MRO: variants seen among roughly 807,000 people sequenced by gnomAD.
The protein encoded by MRO is maestro, also known as protein maestro.
Under a neutral mutation model 31.0 loss-of-function variants are expected in MRO, and 28 were observed. The observed-to-expected ratio is 0.90, with a 90% CI of 0.67 to 1.24. The LOEUF (loss-of-function observed/expected upper bound fraction) is 1.24, where lower values mean the gene tolerates loss of function less well. Among genes scored for constraint, MRO ranks in the 50% most tolerant of loss-of-function variants. MRO has a pLI of 0.00. For missense variants in MRO, 332 were observed against 289.2 expected (o/e 1.15, Z -1.07); for synonymous variants, 108 against 108.4 (o/e 1.00, Z 0.02).
At chr18:50,808,271 C>G (rs901279218) in intron 3 of MRO, among the ~76,000 whole-genome samples, 1 of 151,906 alleles carries the variant, frequency 6.6e-6, no homozygotes, top group African/African-American at 2.4e-5. Flanking sequence ...ATCAAGATGA[C>G]GAAATATCCA....
At position 50,799,249 on chromosome 18, in the gene MRO, T is replaced by C. The variant is rs982599382; in HGVS notation, c.*88A>G. 7.7e-6 allele frequency: 9 copies of C among 1,169,826 alleles called. No individual in the cohort carries two copies. The African/African-American group carries it at 1.1e-4, about 14-fold the overall frequency. 72.5% of individuals were successfully genotyped at this position (1,169,826 alleles called of 1,614,324 possible). A position where few individuals can be genotyped will look rare whatever the true frequency, so the allele number is the denominator to read the frequency against. On this transcript the variant is annotated 3_prime_UTR_variant, in exon 8 of 8. Coordinates refer to ENST00000398439, the MANE Select transcript of MRO (RefSeq NM_031939.6). ...CATTACAATCCCAAGAGGCAAGCAG[T>C]GAGAAGAGGCATCCAGTGAGATAAA...
intron 7 of MRO, among the ~76,000 whole-genome samples, 172 bp from the exon 8 acceptor site, chr18:50,799,562 G>A (rs1263446355): frequency 1.3e-5 from 2 of 152,172 alleles, no homozygotes; most frequent in Non-Finnish European, 2.9e-5. Context: ...TCTCGTGCTT[G>A]ATCCTCTAGG....
chr18:50,802,898 TTGTGTATG>T, intron 5 of MRO, among the ~76,000 whole-genome samples: 1 of 134,810 alleles, frequency 7.4e-6, no homozygotes, highest in East Asian at 2.1e-4. Flanking sequence ...TAGTGAGTGT[TTGTGTATG>T]TGTGTGTGTA....
At chr18:50,816,746 A>G (rs891859864) in intron 2 of MRO, among the ~76,000 whole-genome samples, 6 of 152,188 alleles carry the variant, frequency 3.9e-5, no homozygotes, top group Non-Finnish European at 2.9e-5. Context: ...AATAGCATTA[A>G]GATTACCTTC....
chr18:50,815,617 G>A (rs1010279714), intron 2 of MRO: 7 of 307,588 alleles, frequency 2.3e-5, no homozygotes, highest in East Asian at 1.7e-4. Flanking sequence ...TGGAAACAGC[G>A]ATCAAATTAT....
At chr18:50,821,297 G>A (rs1915293646), upstream of MRO, among the ~76,000 whole-genome samples, 1 of 152,164 alleles carries the variant, frequency 6.6e-6, no homozygotes, top group Non-Finnish European at 1.5e-5. Flanking sequence ...TCTGGAGGAG[G>A]AAGAAAGATG....
At chr18:50,808,403 A>G (rs1914136891) in intron 3 of MRO, among the ~76,000 whole-genome samples, 1 of 151,944 alleles carries the variant, frequency 6.6e-6, no homozygotes, top group African/African-American at 2.4e-5. Context: ...GTGATTTCAA[A>G]GCTTCATTAG....
chr18:50,811,194 A>G (rs1317621888), intron 2 of MRO, among the ~76,000 whole-genome samples: 1 of 152,198 alleles, frequency 6.6e-6, no homozygotes, highest in Non-Finnish European at 1.5e-5. Context: ...TTTCAATTGT[A>G]CTTTGTAGAT....
Position 50,819,887 on chromosome 18 carries a change from G to A in MRO, c.-127+10C>T. 1 of 1,551,050 alleles carries A rather than the reference G, an allele frequency of 6.4e-7. No individual in the cohort carries two copies. Among genetic ancestry groups the A allele is most frequent in the Admixed American group, 2.0e-5 (1 of 50,996 alleles). On this transcript the variant is annotated intron_variant, in intron 1 of 7. Coordinates refer to ENST00000398439, the MANE Select transcript of MRO (RefSeq NM_031939.6). ...GAATATTGTAGGGTGGCACAAGCAT[G>A]ACTTGCTACCTTTGCTTCCCCACGC...
At position 50,799,325 on chromosome 18, in the gene MRO, G is replaced by A. The variant is rs371970330; in HGVS notation, c.*12C>T. On this transcript the variant is annotated 3_prime_UTR_variant, in exon 8 of 8. Transcript: ENST00000398439. ...TGCACTCATACAGAACCATTTCCCT[G>A]CTGCTCTGCGCTTACAGAATTTTAT... The A allele has an allele frequency of 6.2e-7, 1 of 1,611,122 alleles. No homozygotes were observed. Among genetic ancestry groups the A allele is most frequent in the African/African-American group, 1.3e-5 (1 of 74,846 alleles).
rs1303413992 is a variant in MRO at position 50,805,157 on chromosome 18, A to G, written c.426T>C (p.Asp142=). The change falls in exon 5 of 8, where the codon GAT becomes GAC. Residue 142 remains aspartate, a synonymous_variant. Coordinates refer to ENST00000398439, the MANE Select transcript of MRO (RefSeq NM_031939.6). Reference sequence around the variant, plus strand: ...AGAATTTTTCTGATTTACTTACGTCATCTAATAAAGTCCTGGTCTGAAGGG... The same window carrying G: ...AGAATTTTTCTGATTTACTTACGTCGTCTAATAAAGTCCTGGTCTGAAGGG... The part of the protein sequence containing the change: ...DITLQTRTLL[D]DENDSLRYSA... 2 of 1,609,442 alleles carry G rather than the reference A, an allele frequency of 1.2e-6. No homozygotes were observed. Among genetic ancestry groups the G allele is most frequent in the African/African-American group, 1.3e-5 (1 of 74,926 alleles).
At position 50,819,209 on chromosome 18, in the gene MRO, T is replaced by G. The variant is rs1254252988; in HGVS notation, c.-5+372A>C. On this transcript the variant is annotated intron_variant, in intron 2 of 7. Transcript: ENST00000398439. The stretch of plus-strand genomic sequence containing the variant: ...AGATATCCTTTCAGTCACTGTGCTA[T>G]AAGCCTAGGTTCAGCTCCCAGGCAA... Among the ~76,000 whole-genome samples the G allele has an allele frequency of 1.3e-5, 2 of 152,198 alleles. 1 individual carries two copies. Among genetic ancestry groups the G allele is most frequent in the Non-Finnish European group, 2.9e-5 (2 of 68,036 alleles).
intron 2 of MRO, among the ~76,000 whole-genome samples, chr18:50,816,701 G>T (rs1206549390): frequency 6.6e-6 from 1 of 152,096 alleles, no homozygotes; most frequent in Non-Finnish European, 1.5e-5. Flanking sequence ...TAAATAAATA[G>T]GATTGGGTAT....
chr18:50,817,941 C>T (rs1915062428), intron 2 of MRO, among the ~76,000 whole-genome samples: 1 of 152,022 alleles, frequency 6.6e-6, no homozygotes, highest in Non-Finnish European at 1.5e-5. Flanking sequence ...GGTCACAAGG[C>T]CCCTCGCTGG....
intron 2 of MRO, chr18:50,815,322 AT>A: frequency 3.7e-6 from 1 of 272,462 alleles, no homozygotes; most frequent in South Asian, 4.8e-5. Context: ...GGTGGAGATA[AT>A]TTTTGCCGTG....
intron 3 of MRO, 30 bp downstream of exon 3, chr18:50,809,272 G>T: frequency 1.3e-6 from 2 of 1,560,572 alleles, no homozygotes; most frequent in Non-Finnish European, 8.8e-7. Flanking sequence ...GCTGGGAGGA[G>T]AAATTTGTTC....
chr18:50,799,076 G>T lies in MRO; in HGVS notation c.*261C>A, dbSNP rs1913038016. Reference sequence around the variant, plus strand: ...CACTGAATCTATATACACTTGGAATGTTTTAAAGAAAGTGTGTACCTGCTC... The same window carrying T: ...CACTGAATCTATATACACTTGGAATTTTTTAAAGAAAGTGTGTACCTGCTC... On this transcript the variant is annotated 3_prime_UTR_variant, in exon 8 of 8. Coordinates refer to ENST00000398439, the MANE Select transcript of MRO (RefSeq NM_031939.6). 3 of 415,356 alleles carry T rather than the reference G, an allele frequency of 7.2e-6. No homozygotes were observed. The South Asian group carries it at 9.0e-5, about 12-fold the overall frequency. The allele number at this position is 415,356 out of a possible 1,614,324, so 25.7% of individuals were successfully genotyped here. A position where few individuals can be genotyped will look rare whatever the true frequency, so the allele number is the denominator to read the frequency against.
rs138499666 is a variant in MRO, at chr18:50,811,887, G to A, written c.-4-2483C>T. Reference sequence around the variant, plus strand: ...CTCCTGAGTTGCTGGGATTACAGGCGTACGCCACCATGCCTGGATAATTTT... The same window carrying A: ...CTCCTGAGTTGCTGGGATTACAGGCATACGCCACCATGCCTGGATAATTTT... On this transcript the variant is annotated intron_variant, in intron 2 of 7. Coordinates refer to ENST00000398439, the MANE Select transcript of MRO (RefSeq NM_031939.6). Among the ~76,000 whole-genome samples the A allele has an allele frequency of 3.6e-3, 548 of 151,378 alleles. 4 individuals carry two copies. Among genetic ancestry groups the A allele is most frequent in the African/African-American group, 0.011 (451 of 41,250 alleles).
rs1428339999 is a variant in MRO, at chr18:50,798,570, G to C, written c.*767C>G. ...GTGTTAGCTTTCTCATCTATAAAAT[G>C]AGAACAATAATAATACTTACTATCT... On this transcript the variant is annotated 3_prime_UTR_variant, in exon 8 of 8. Coordinates refer to ENST00000398439, the MANE Select transcript of MRO (RefSeq NM_031939.6). 1 of 152,132 alleles carries C rather than the reference G, an allele frequency of 6.6e-6. No homozygotes were observed. Among genetic ancestry groups the C allele is most frequent in the Non-Finnish European group, 1.5e-5 (1 of 68,026 alleles). 9.4% of individuals were successfully genotyped at this position (152,132 alleles called of 1,614,324 possible). A position where few individuals can be genotyped will look rare whatever the true frequency, so the allele number is the denominator to read the frequency against.
Sources: allele counts gnomAD v4.1 joint callset (sites outside exome capture counted in the v4.1 genomes callset), GRCh38; gene constraint gnomAD v4.1.1; transcripts MANE v1.5; gene names NCBI Gene and HGNC (gene_info 2026-07-23, HGNC 2026-07-21).